Variants in BRPF1 observed in about 807,000 individuals in gnomAD.
BRPF1 encodes peregrin.
In BRPF1, 15 loss-of-function variants were observed where a neutral mutation model predicts 115.0. The ratio of observed to expected loss-of-function variants is 0.13; its 90% CI spans 0.09 to 0.20. BRPF1 has a LOEUF of 0.20. Among genes scored for constraint, BRPF1 ranks in the 10% least tolerant of loss-of-function variants. The pLI, the probability that BRPF1 is intolerant of heterozygous loss-of-function variation, is 1.00. For synonymous variants in BRPF1, 647 were observed against 619.8 expected (o/e 1.04, Z -0.65); for missense variants, 1,118 against 1,638.3 (o/e 0.68, Z 5.48).
chr3:9,736,651 A>G (rs2125495791), intron 2 of BRPF1, among the ~76,000 whole-genome samples: 1 of 152,212 alleles, frequency 6.6e-6, no homozygotes, highest in Non-Finnish European at 1.5e-5. Flanking sequence ...CTTTCTGGGG[A>G]TCAGATATGT....
chr3:9,747,694 T>A lies in BRPF1; in HGVS notation c.*345T>A, dbSNP rs2077151527. ...TACCTGCTCATGCCAGGAGAATCCA[T>A]AACTGCCTAGAGGCCTGGGGCCCCT... On this transcript the variant is annotated 3_prime_UTR_variant, in exon 14 of 14. Coordinates refer to ENST00000383829, the MANE Select transcript of BRPF1 (RefSeq NM_001003694.2). The surrounding 1 kb of genome is among the most constrained non-coding windows in gnomAD (Gnocchi z 5.6). The A allele has an allele frequency of 4.8e-6, 1 of 210,242 alleles. No individual in the cohort carries two copies. The highest frequency in any genetic ancestry group is 5.1e-5 in the Admixed American group (1 of 19,440). The allele number at this position is 210,242 out of a possible 1,614,324, so 13.0% of individuals were successfully genotyped here.
chr3:9,739,983 C>A (rs776207038), intron 3 of BRPF1, 25 bp downstream of exon 3: 2 of 1,534,388 alleles, frequency 1.3e-6, no homozygotes, highest in South Asian at 1.2e-5. Flanking sequence ...GGTGGACAGG[C>A]AGATGAGGGA....
rs548909511 is a variant in BRPF1, at chr3:9,743,606, G to A, written c.2340G>A (p.Leu780=). The change falls in exon 8 of 14, where the codon CTG becomes CTA. Residue 780 remains leucine, a synonymous_variant. Coordinates refer to ENST00000383829, the MANE Select transcript of BRPF1 (RefSeq NM_001003694.2). The surrounding 1 kb of genome is among the most constrained non-coding windows in gnomAD (Gnocchi z 6.1). ...CCGAGGAAGAGCGGCTGGTCTTGCT[G>A]GAGAACCAGAAGCACCTGCCAGTGG... ...DAAEEERLVL[L]ENQKHLPVEE... 778 of 1,613,232 alleles carry A rather than the reference G, an allele frequency of 4.8e-4. 12 individuals carry two copies. The South Asian group carries it at 8.1e-3, about 17-fold the overall frequency.
chr3:9,742,106 GAGA>G lies in BRPF1; in HGVS notation c.1939_1941del (p.Lys647del). On this transcript the variant is annotated inframe_deletion, in exon 6 of 14. Transcript: ENST00000383829. ...TCGCAAAACCTTGGAGCAGCTCCAA[GAGA>G]AGGACACAGGCAACATCTTCAGCGA... The G allele has an allele frequency of 6.2e-7, 1 of 1,614,214 alleles. No individual in the cohort carries two copies. Among genetic ancestry groups the G allele is most frequent in the Non-Finnish European group, 8.5e-7 (1 of 1,180,042 alleles).
At chr3:9,746,238 G>A (rs2077123833) in intron 12 of BRPF1, 62 bp from the exon 13 acceptor site, 4 of 1,486,496 alleles carry the variant, frequency 2.7e-6, no homozygotes, top group Non-Finnish European at 3.6e-6. Context: ...CTAAGTTCTT[G>A]AGGAGGAAAA....
chr3:9,738,837 G>A (rs2076983544), intron 2 of BRPF1, among the ~76,000 whole-genome samples, 162 bp from the exon 3 acceptor site: 1 of 152,234 alleles, frequency 6.6e-6, no homozygotes, highest in African/African-American at 2.4e-5. Flanking sequence ...AAATAGAAAC[G>A]ATGATAGTAC....
In BRPF1 at chr3:9,744,354, G is replaced by A. The variant is rs2077085428; in HGVS notation, c.2766G>A (p.Glu922=). ...CGGGCCGGCCCCCCAAAAACCGGGA[G>A]AGCCAGATGACCCCCAGCCACGGAG... is the stretch of plus-strand genomic sequence containing the variant. ...KRPGRPPKNR[E]SQMTPSHGGS... is the part of the protein sequence containing the mutation. The change falls in exon 9 of 14, where the codon GAG becomes GAA. Residue 922 remains glutamate, a synonymous_variant. Coordinates refer to ENST00000383829, the MANE Select transcript of BRPF1 (RefSeq NM_001003694.2). The A allele has an allele frequency of 1.9e-6, 3 of 1,613,542 alleles. No individual in the cohort carries two copies. The highest frequency in any genetic ancestry group is 1.1e-5 in the South Asian group (1 of 90,988).
chr3:9,741,479 A>C lies in BRPF1; in HGVS notation c.1854+40A>C, dbSNP rs1392267204. On this transcript the variant is annotated intron_variant, in intron 5 of 13. Transcript: ENST00000383829. ...GCCAGCCCTATTTTATAAAAGAAAA[A>C]ACAAAAAATTAGCCAGGCATGGTGG... is the stretch of plus-strand genomic sequence containing the variant. 10 of 1,513,728 alleles carry C rather than the reference A, an allele frequency of 6.6e-6. 1 individual carries two copies. Among genetic ancestry groups the C allele is most frequent in the Non-Finnish European group, 8.8e-6 (10 of 1,133,650 alleles). The allele number at this position is 1,513,728 out of a possible 1,614,324, so 93.8% of individuals were successfully genotyped here.
chr3:9,738,971 G>A (rs374108108), intron 2 of BRPF1, 28 bp from the exon 3 acceptor site: 12 of 1,523,900 alleles, frequency 7.9e-6, no homozygotes, highest in Non-Finnish European at 1.1e-5. Context: ...TCAACCATGT[G>A]ATGCTGAGTT....
chr3:9,744,254 C>A lies in BRPF1; in HGVS notation c.2666C>A (p.Ala889Glu). ...GGTCCCAACATGTCCTCAACCCCCGCACATGAGGTGGGCAGGAGAACCTCA... is the reference window on the plus strand; with the variant it reads ...GGTCCCAACATGTCCTCAACCCCCGAACATGAGGTGGGCAGGAGAACCTCA... ...GLGPNMSSTP[A>E]HEVGRRTSVL... Residue 889 changes from alanine to glutamate, a missense_variant, in exon 9 of 14, where the codon GCA becomes GAA. This residue lies in a region of BRPF1 where 223 missense variants were observed against 240.7 expected (regional missense o/e 0.93). Coordinates refer to ENST00000383829, the MANE Select transcript of BRPF1 (RefSeq NM_001003694.2). The A allele has an allele frequency of 6.3e-7, 1 of 1,575,868 alleles. No individual in the cohort carries two copies. The highest frequency in any genetic ancestry group is 1.2e-5 in the South Asian group (1 of 86,614).
intron 13 of BRPF1, 29 bp downstream of exon 13, chr3:9,746,483 A>T (rs766766141): frequency 5.2e-6 from 8 of 1,538,226 alleles, no homozygotes; most frequent in Non-Finnish European, 6.2e-6. Flanking sequence ...GGTGTGACTC[A>T]CAGCCACAGA....
At position 9,740,906 on chromosome 3, in the gene BRPF1, C is replaced by A. The variant is rs749123930; in HGVS notation, c.1687C>A (p.His563Asn). The A allele has an allele frequency of 6.2e-7, 1 of 1,613,620 alleles. No individual in the cohort carries two copies. The highest frequency in any genetic ancestry group is 2.2e-5 in the East Asian group (1 of 44,890). Residue 563 changes from histidine to asparagine, a missense_variant, in exon 4 of 14, where the codon CAC (histidine) becomes AAC (asparagine). This residue lies in a region of BRPF1 where 178 missense variants were observed against 303.7 expected (regional missense o/e 0.59). Transcript: ENST00000383829. ...CCCATTGCTACGTCGCCTGCAGACA[C>A]ACCTGCAATCTCAGAGGAACTGTGA... Reference protein sequence around the residue: ...GVPLLRRLQTHLQSQRNCDQV... With the variant: ...GVPLLRRLQTNLQSQRNCDQV...
At chr3:9,737,201 G>A (rs1439861439) in intron 2 of BRPF1, among the ~76,000 whole-genome samples, 2 of 152,158 alleles carry the variant, frequency 1.3e-5, no homozygotes, top group African/African-American at 4.8e-5. Flanking sequence ...CCCCCAAAAT[G>A]CCTTTCAAAT....
rs764717869 is a variant in BRPF1, at chr3:9,745,526, C to T, written c.3069-47C>T. 5 of 1,599,388 alleles carry T rather than the reference C, an allele frequency of 3.1e-6. No homozygotes were observed. In the African/African-American group the frequency reaches 5.4e-5, roughly 17 times the overall value. On this transcript the variant is annotated intron_variant, in intron 10 of 13. Coordinates refer to ENST00000383829, the MANE Select transcript of BRPF1 (RefSeq NM_001003694.2). This position sits in a 1 kb window ranked among gnomAD's most constrained non-coding sequence, Gnocchi z 5.1. ...CTGAGGGCACATACCATGCTGTTCCCCATTCTTCCCCTCCTTTGAGCTGAG... is the reference window on the plus strand; with the variant it reads ...CTGAGGGCACATACCATGCTGTTCCTCATTCTTCCCCTCCTTTGAGCTGAG...
chr3:9,743,951 C>T lies in BRPF1; in HGVS notation c.2635+50C>T. The T allele has an allele frequency of 2.0e-6, 3 of 1,520,324 alleles. No homozygotes were observed. Among genetic ancestry groups the T allele is most frequent in the Non-Finnish European group, 2.7e-6 (3 of 1,131,234 alleles). 94.2% of individuals were successfully genotyped at this position (1,520,324 alleles called of 1,614,324 possible). A position where few individuals can be genotyped will look rare whatever the true frequency, so the allele number is the denominator to read the frequency against. On this transcript the variant is annotated intron_variant, in intron 8 of 13. Coordinates refer to ENST00000383829, the MANE Select transcript of BRPF1 (RefSeq NM_001003694.2). The surrounding 1 kb of genome is among the most constrained non-coding windows in gnomAD (Gnocchi z 6.1). ...CCCCAAAGCAAGTCAGACTTTGGCTCTGCAGCACACACTCAACCCCTGCCA... is the reference window on the plus strand; with the variant it reads ...CCCCAAAGCAAGTCAGACTTTGGCTTTGCAGCACACACTCAACCCCTGCCA...
In BRPF1 at chr3:9,745,489, G is replaced by C. The variant is rs543175616; in HGVS notation, c.3069-84G>C. ...GCTTTCCAAAAGTCTCAGACCCTGC[G>C]GGCTTTAAGAGCTGAGGGCACATAC... is the stretch of plus-strand genomic sequence containing the variant. On this transcript the variant is annotated intron_variant, in intron 10 of 13. Coordinates refer to ENST00000383829, the MANE Select transcript of BRPF1 (RefSeq NM_001003694.2). The surrounding 1 kb of genome is among the most constrained non-coding windows in gnomAD (Gnocchi z 5.1). The C allele has an allele frequency of 2.7e-6, 4 of 1,474,806 alleles. No homozygotes were observed. Among genetic ancestry groups the C allele is most frequent in the African/African-American group, 1.4e-5 (1 of 71,886 alleles). The allele number at this position is 1,474,806 out of a possible 1,614,324, so 91.4% of individuals were successfully genotyped here.
intron 2 of BRPF1, among the ~76,000 whole-genome samples, chr3:9,736,875 T>C (rs2076951147): frequency 1.3e-5 from 2 of 152,204 alleles, no homozygotes; most frequent in African/African-American, 4.8e-5. Flanking sequence ...GAGGGTGGCA[T>C]GTCAGCTGGT....
At chr3:9,746,581 TAGAAC>T in intron 13 of BRPF1, 127 bp downstream of exon 13, 1 of 1,198,438 alleles carries the variant, frequency 8.3e-7, no homozygotes, top group South Asian at 2.0e-5. Context: ...GGGAGGGACT[TAGAAC>T]AGTTTTTTGA....
rs1480447117 is a variant in BRPF1 at position 9,742,973 on chromosome 3, G to A, written c.2031G>A (p.Lys677=). 4 of 1,614,016 alleles carry A rather than the reference G, an allele frequency of 2.5e-6. No individual in the cohort carries two copies. In the African/African-American group the frequency reaches 5.3e-5, roughly 22 times the overall value. ...EVPDYLDHIK[K]PMDFFTMKQN... is the part of the protein sequence containing the mutation. Reference sequence around the variant, plus strand: ...CTGACTACCTAGACCACATCAAAAAGCCCATGGACTTTTTCACCATGAAGC... The same window carrying A: ...CTGACTACCTAGACCACATCAAAAAACCCATGGACTTTTTCACCATGAAGC... The change falls in exon 7 of 14, where the codon AAG becomes AAA. Residue 677 remains lysine (K), a synonymous_variant. Coordinates refer to ENST00000383829, the MANE Select transcript of BRPF1 (RefSeq NM_001003694.2).
Sources: allele counts gnomAD v4.1 joint callset (sites outside exome capture counted in the v4.1 genomes callset), GRCh38; gene constraint gnomAD v4.1.1; regional missense constraint gnomAD v4.1.1; non-coding constraint Gnocchi (gnomAD v3.1); transcripts MANE v1.5; gene names NCBI Gene and HGNC (gene_info 2026-07-23, HGNC 2026-07-21).